The following C11orf65 variants were observed in gnomAD, a reference collection of about 807,000 sequenced individuals.
The protein encoded by C11orf65 is chromosome 11 open reading frame 65.
In C11orf65, 38 loss-of-function variants were observed where a neutral mutation model predicts 35.3. That is an observed-to-expected ratio of 1.08 (90% CI 0.83 to 1.41). C11orf65 has a LOEUF of 1.41. Among genes scored for constraint, C11orf65 ranks in the 40% most tolerant of loss-of-function variants. The pLI, the probability that C11orf65 is intolerant of heterozygous loss-of-function variation, is 0.00. For missense variants in C11orf65, 370 were observed against 367.1 expected (o/e 1.01, Z -0.06); for synonymous variants, 105 against 114.4 (o/e 0.92, Z 0.53).
At chr11:108,467,416 G>C (rs546915970) in intron 1 of C11orf65, 55 bp downstream of exon 1, 16 of 152,426 alleles carry the variant, frequency 1.0e-4, no homozygotes, top group African/African-American at 3.4e-4. Flanking sequence ...TGGGCACAAA[G>C]GCTACCGGAA....
intron 6 of C11orf65, among the ~76,000 whole-genome samples, chr11:108,319,012 C>CA (rs201762321): frequency 0.03 from 4,507 of 151,778 alleles, 220 homozygotes; most frequent in African/African-American, 0.1. Flanking sequence ...CCCATCTCTA[C>CA]AAAAAAATAC....
intron 3 of C11orf65, chr11:108,331,940 C>A (rs775295535): frequency 6.2e-7 from 1 of 1,613,880 alleles, no homozygotes; most frequent in East Asian, 2.2e-5. Context: ...CTGGCCTTAG[C>A]AAATGCAAAC....
chr11:108,412,515 T>A (rs895315292), intron 3 of C11orf65, among the ~76,000 whole-genome samples: 5 of 152,180 alleles, frequency 3.3e-5, no homozygotes, highest in Middle Eastern at 3.4e-3. Flanking sequence ...CACAGATTAA[T>A]AACAAAGAAA....
intron 6 of C11orf65, among the ~76,000 whole-genome samples, chr11:108,400,932 C>T (rs758378926): frequency 6.6e-6 from 1 of 151,920 alleles, no homozygotes; most frequent in Non-Finnish European, 1.5e-5. Context: ...TGTTGAAACC[C>T]TGCCTCTACT....
rs1320299978 is a variant in C11orf65, at chr11:108,335,088, G to A, written c.299+132C>T. The A allele has an allele frequency of 6.2e-7, 1 of 1,614,060 alleles. No individual in the cohort carries two copies. The highest frequency in any genetic ancestry group is 1.7e-5 in the Admixed American group (1 of 60,020). On this transcript the variant is annotated intron_variant, in intron 3 of 3. Coordinates refer to the C11orf65 transcript ENST00000524755. ...TAGATTGTGTAGGTTCCGATGGCAA[G>A]GAGAGGAGACAGCTTGTTAAGGTGA...
At chr11:108,380,544 C>A (rs2091847795), downstream of C11orf65, among the ~76,000 whole-genome samples, 1 of 152,218 alleles carries the variant, frequency 6.6e-6, no homozygotes, top group Non-Finnish European at 1.5e-5. Flanking sequence ...GACTTTGGCA[C>A]TGAGGGCCAG....
intron 6 of C11orf65, among the ~76,000 whole-genome samples, chr11:108,320,242 C>A (rs2085105941): frequency 6.6e-6 from 1 of 152,174 alleles, no homozygotes; most frequent in South Asian, 2.1e-4. Context: ...TTCTGGGATT[C>A]CAGGTTCATT....
intron 6 of C11orf65, among the ~76,000 whole-genome samples, chr11:108,398,275 G>T (rs1052867432): frequency 6.6e-6 from 1 of 152,166 alleles, no homozygotes; most frequent in African/African-American, 2.4e-5. Flanking sequence ...GAAAAGATCA[G>T]ATTTGGGAGA....
intron 2 of C11orf65, chr11:108,335,732 G>A: frequency 2.6e-6 from 2 of 755,740 alleles, no homozygotes; most frequent in Non-Finnish European, 4.7e-6. Context: ...AGACTGTCAA[G>A]AGGTGCACAG....
rs188999 is a variant in C11orf65, at chr11:108,384,778, C to T, written c.787+1142G>A. On this transcript the variant is annotated intron_variant, in intron 8 of 8. Transcript: ENST00000393084. ...AACAGAGTGAGACCCTGTCTCAAAACAAAAACAAAAACAAACAAACAAACA... is the reference window on the plus strand; with the variant it reads ...AACAGAGTGAGACCCTGTCTCAAAATAAAAACAAAAACAAACAAACAAACA... Among the ~76,000 whole-genome samples, 19 of 151,926 alleles carry T rather than the reference C, an allele frequency of 1.3e-4. 1 individual carries two copies. In the East Asian group the frequency reaches 3.7e-3, roughly 30 times the overall value.
At position 108,345,870 on chromosome 11, in the gene C11orf65, G is replaced by C. The variant is rs587782202; in HGVS notation, c.227-10578C>G. The C allele has an allele frequency of 1.2e-6, 2 of 1,613,706 alleles. No homozygotes were observed. The highest frequency in any genetic ancestry group is 8.5e-7 in the Non-Finnish European group (1 of 1,179,842). ...GATCCAGCTATTTGGTTTGAGAAGC[G>C]ATTGGCTTATACGCGCAGTGTAGCT... On this transcript the variant is annotated intron_variant, in intron 2 of 3. Coordinates refer to the C11orf65 transcript ENST00000524755.
chr11:108,446,100 C>T (rs553932503), intron 2 of C11orf65, among the ~76,000 whole-genome samples: 22 of 152,124 alleles, frequency 1.4e-4, no homozygotes, highest in South Asian at 6.2e-4. Context: ...TAAAAAGAAA[C>T]GAACAAAGCC....
chr11:108,371,470 G>A (rs927492706), intron 2 of C11orf65, among the ~76,000 whole-genome samples: 2 of 152,122 alleles, frequency 1.3e-5, no homozygotes, highest in Non-Finnish European at 2.9e-5. Flanking sequence ...CCTTTTATAA[G>A]TAGAATCATG....
chr11:108,393,679 T>C (rs1402611616), intron 6 of C11orf65, among the ~76,000 whole-genome samples: 1 of 152,132 alleles, frequency 6.6e-6, no homozygotes, highest in Non-Finnish European at 1.5e-5. Context: ...GGAAAGGGTC[T>C]TAGAAACCAA....
At chr11:108,439,688 T>C (rs557041114) in intron 2 of C11orf65, among the ~76,000 whole-genome samples, 1 of 152,266 alleles carries the variant, frequency 6.6e-6, no homozygotes, top group African/African-American at 2.4e-5. Flanking sequence ...TGGATGAACA[T>C]TGAAAATGTT....
chr11:108,451,419 A>T (rs572104110), intron 2 of C11orf65, among the ~76,000 whole-genome samples: 34 of 152,040 alleles, frequency 2.2e-4, no homozygotes, highest in Non-Finnish European at 3.8e-4. Flanking sequence ...TGCTACAGAG[A>T]ATAAAATATC....
chr11:108,436,805 C>T (rs2093065995), intron 2 of C11orf65, among the ~76,000 whole-genome samples: 1 of 152,026 alleles, frequency 6.6e-6, no homozygotes, highest in Admixed American at 6.6e-5. Context: ...AGACAGAATA[C>T]AATGGAATGC....
At chr11:108,394,784 C>T (rs1414463388) in intron 6 of C11orf65, among the ~76,000 whole-genome samples, 1 of 152,174 alleles carries the variant, frequency 6.6e-6, no homozygotes, top group Non-Finnish European at 1.5e-5. Context: ...TTCTGTGTTA[C>T]ATAATCTGCT....
chr11:108,364,359 C>G (rs371764364), intron 2 of C11orf65, among the ~76,000 whole-genome samples: 17 of 152,256 alleles, frequency 1.1e-4, no homozygotes, highest in African/African-American at 4.1e-4. Context: ...GAGCAGTTAG[C>G]TGTTCTGAAC....
Sources: allele counts gnomAD v4.1 joint callset (sites outside exome capture counted in the v4.1 genomes callset), GRCh38; gene constraint gnomAD v4.1.1; transcripts MANE v1.5; gene names NCBI Gene and HGNC (gene_info 2026-07-23, HGNC 2026-07-21).